The following GRID1 variants were observed in gnomAD, a reference collection of about 807,000 sequenced individuals.
GRID1 encodes glutamate receptor ionotropic, delta-1.
A neutral mutation model predicts 98.0 loss-of-function variants in GRID1; 28 were observed. That is an observed-to-expected ratio of 0.29 (90% CI 0.21 to 0.39). The LOEUF (loss-of-function observed/expected upper bound fraction) is 0.39. Among genes scored for constraint, GRID1 ranks in the 10% least tolerant of loss-of-function variants. The pLI is 1.00. For synonymous variants in GRID1, 553 were observed against 538.5 expected (o/e 1.03, Z -0.37); for missense variants, 1,111 against 1,340.5 (o/e 0.83, Z 2.67).
At position 85,610,356 on chromosome 10, in the gene GRID1, G is replaced by A. The variant is rs183934979; in HGVS notation, c.2601+3051C>T. ...ATTTAAGTCCTTCGGAGCAGGCCCC[G>A]TATCCTTCCCCAGCCTCCCCTGCCA... On this transcript the variant is annotated intron_variant, in intron 15 of 15. Coordinates refer to ENST00000327946, the MANE Select transcript of GRID1 (RefSeq NM_017551.3). Among the ~76,000 whole-genome samples, 12 of 152,210 alleles carry A rather than the reference G, an allele frequency of 7.9e-5. No homozygotes were observed. In the East Asian group the frequency reaches 1.2e-3, roughly 15 times the overall value.
At position 85,669,725 on chromosome 10, in the gene GRID1, A is replaced by G. The variant is rs138799052; in HGVS notation, c.1998-22328T>C. ...CCATCCCCAGACGGATCTTATCCTG[A>G]GGCCCCCTTCTGTGTCCTGCTCCAA... On this transcript the variant is annotated intron_variant, in intron 12 of 15. Coordinates refer to ENST00000327946, the MANE Select transcript of GRID1 (RefSeq NM_017551.3). Among the ~76,000 whole-genome samples the G allele has an allele frequency of 1.1e-4, 17 of 152,286 alleles. 1 individual carries two copies. Among genetic ancestry groups the G allele is most frequent in the African/African-American group, 4.1e-4 (17 of 41,558 alleles).
chr10:85,840,391 G>C (rs961299997), intron 8 of GRID1, among the ~76,000 whole-genome samples: 1 of 152,006 alleles, frequency 6.6e-6, no homozygotes, highest in Admixed American at 6.6e-5. Context: ...TACTGAATAG[G>C]CAAAGGCTGG....
intron 8 of GRID1, among the ~76,000 whole-genome samples, chr10:85,738,348 C>A (rs1047142801): frequency 4.6e-5 from 7 of 152,164 alleles, no homozygotes; most frequent in Admixed American, 2.6e-4. Flanking sequence ...TACACTAAAC[C>A]TCACTAGAAT....
intron 4 of GRID1, among the ~76,000 whole-genome samples, chr10:86,067,400 G>A (rs892606480): frequency 7.9e-5 from 12 of 152,162 alleles, no homozygotes; most frequent in Non-Finnish European, 1.6e-4. Context: ...AGGATATTGC[G>A]CACCAAGGGA....
At chr10:85,678,436 C>T (rs1841169909) in intron 12 of GRID1, among the ~76,000 whole-genome samples, 1 of 152,102 alleles carries the variant, frequency 6.6e-6, no homozygotes, top group African/African-American at 2.4e-5. Flanking sequence ...TTTCTCATGC[C>T]CTAGGAGCAG....
chr10:85,989,105 C>T (rs1002195080), intron 4 of GRID1, among the ~76,000 whole-genome samples: 5 of 152,162 alleles, frequency 3.3e-5, no homozygotes, highest in African/African-American at 9.7e-5. Context: ...TAGGGACTAT[C>T]GAGAGTTGCC....
chr10:86,231,723 C>G (rs564080654), intron 2 of GRID1, among the ~76,000 whole-genome samples: 5 of 152,304 alleles, frequency 3.3e-5, no homozygotes, highest in Non-Finnish European at 5.9e-5. Context: ...TATTAACCAC[C>G]ACAGGAGTCA....
At chr10:85,800,408 A>C (rs554835225) in intron 8 of GRID1, among the ~76,000 whole-genome samples, 3 of 152,196 alleles carry the variant, frequency 2.0e-5, no homozygotes, top group South Asian at 4.1e-4. Flanking sequence ...TAGAAACAAA[A>C]ACATAAGATA....
chr10:85,623,630 C>T (rs1292923073), intron 13 of GRID1, among the ~76,000 whole-genome samples: 12 of 152,130 alleles, frequency 7.9e-5, no homozygotes, highest in Admixed American at 7.9e-4. Context: ...GCAAGTTCAC[C>T]CTCCTCCTTC....
At chr10:86,211,516 G>C (rs11201944) in intron 2 of GRID1, among the ~76,000 whole-genome samples, 56,060 of 151,994 alleles carry the variant, frequency 0.37, 11,246 homozygotes, top group Non-Finnish European at 0.47. Context: ...GACAGCATTC[G>C]CAATACAACT....
chr10:85,870,251 G>A (rs1391026591), intron 5 of GRID1, among the ~76,000 whole-genome samples: 1 of 152,214 alleles, frequency 6.6e-6, no homozygotes, highest in Non-Finnish European at 1.5e-5. Flanking sequence ...CTCCCGTGCT[G>A]GATGCTTCCT....
At chr10:86,019,188 C>A (rs1843017406) in intron 4 of GRID1, among the ~76,000 whole-genome samples, 1 of 152,232 alleles carries the variant, frequency 6.6e-6, no homozygotes, top group Non-Finnish European at 1.5e-5. Context: ...AGAAACACAA[C>A]CAGACCAGTT....
intron 2 of GRID1, among the ~76,000 whole-genome samples, chr10:86,363,513 C>T (rs1397645707): frequency 1.3e-5 from 2 of 152,338 alleles, no homozygotes; most frequent in African/African-American, 2.4e-5. Context: ...CTGGGCGCTC[C>T]TCACCTCGAA....
rs1041284714 is a variant in GRID1 at position 85,781,117 on chromosome 10, C to T, written c.1234-51503G>A. On this transcript the variant is annotated intron_variant, in intron 8 of 15. Coordinates refer to ENST00000327946, the MANE Select transcript of GRID1 (RefSeq NM_017551.3). ...GAGTTTTGGAGGGCTCGCCTGATCT[C>T]CCCAACCAGAAGGGGAAATGAAGTA... Among the ~76,000 whole-genome samples the T allele has an allele frequency of 3.3e-5, 5 of 152,298 alleles. No homozygotes were observed. In the South Asian group the frequency reaches 6.2e-4, roughly 19 times the overall value.
At position 85,708,126 on chromosome 10, in the gene GRID1, A is replaced by C. The variant is rs1447649415; in HGVS notation, c.1997+14877T>G. 3.0e-5 allele frequency among the ~76,000 whole-genome samples: 3 copies of C among 98,884 alleles called. 1 individual carries two copies. The highest frequency in any genetic ancestry group is 7.1e-4 in the South Asian group (2 of 2,834). The allele number at this position is 98,884 out of a possible 152,430, so 64.9% of individuals were successfully genotyped here. A position where few individuals can be genotyped will look rare whatever the true frequency, so the allele number is the denominator to read the frequency against. On this transcript the variant is annotated intron_variant, in intron 12 of 15. Transcript: ENST00000327946. ...CTTAAAGTATAATAAAAAAAAAAAA[A>C]AAAAACACAAGATTAGCCTATAATC...
At chr10:86,264,687 G>A (rs949571310) in intron 2 of GRID1, 7 of 474,190 alleles carry the variant, frequency 1.5e-5, no homozygotes, top group Admixed American at 7.0e-5. Context: ...CATGTCCCAT[G>A]CAGGAGCCGC....
chr10:86,291,846 G>C (rs958815415), intron 2 of GRID1, among the ~76,000 whole-genome samples: 12 of 152,198 alleles, frequency 7.9e-5, no homozygotes, highest in African/African-American at 2.7e-4. Context: ...GGCGGGGGCA[G>C]GTGGCAGCAA....
At chr10:85,990,969 G>A (rs1842672620) in intron 4 of GRID1, among the ~76,000 whole-genome samples, 1 of 151,988 alleles carries the variant, frequency 6.6e-6, no homozygotes, top group Non-Finnish European at 1.5e-5. Context: ...CCCATTTAAT[G>A]CTTACCTCCA....
At chr10:86,138,783 AC>A in intron 4 of GRID1, 35 bp downstream of exon 4, 1 of 1,534,682 alleles carries the variant, frequency 6.5e-7, no homozygotes, top group East Asian at 2.2e-5. Flanking sequence ...AGCCCTGGGC[AC>A]CAGGCCCCTG....
Sources: allele counts gnomAD v4.1 joint callset (sites outside exome capture counted in the v4.1 genomes callset), GRCh38; gene constraint gnomAD v4.1.1; transcripts MANE v1.5; gene names NCBI Gene and HGNC (gene_info 2026-07-23, HGNC 2026-07-21).